Variants in PCSK1 observed in about 807,000 individuals in gnomAD.
PCSK1 encodes neuroendocrine convertase 1.
PCSK1 carries 56 observed loss-of-function variants against 90.6 expected under a neutral mutation model. That is an observed-to-expected ratio of 0.62 (90% confidence interval 0.50 to 0.77). The LOEUF (loss-of-function observed/expected upper bound fraction) is 0.77, where lower values mean the gene tolerates loss of function less well. Ranked by LOEUF, PCSK1 falls within the 30% of genes least tolerant of loss-of-function variation. PCSK1 has a pLI of 0.00. For synonymous variants in PCSK1, 348 were observed against 342.4 expected, an observed-to-expected ratio of 1.02 and a Z score of -0.18; for missense variants, 801 against 932.6, an observed-to-expected ratio of 0.86 and a Z score of 1.84.
intron 5 of PCSK1, among the ~76,000 whole-genome samples, chr5:96,419,243 GATAA>G (rs991808908): frequency 6.7e-6 from 1 of 150,298 alleles, no homozygotes. Flanking sequence ...TATAGATATA[GATAA>G]ATAATCTACC....
At chr5:96,425,013 AAAGAAAGAAAGAAAGAAAGAAAG>A (rs1296799671) in intron 3 of PCSK1, among the ~76,000 whole-genome samples, 3 of 22,894 alleles carry the variant, frequency 1.3e-4, no homozygotes, top group Non-Finnish European at 2.9e-4. Flanking sequence ...GAAAGAAAAG[AAAGAAAGAAAGAAAGAAAGAAAG>A]AAAGAAAGAA....
At chr5:96,411,823 G>C (rs1260057186) in intron 7 of PCSK1, among the ~76,000 whole-genome samples, 1 of 152,106 alleles carries the variant, frequency 6.6e-6, no homozygotes, top group Non-Finnish European at 1.5e-5. Context: ...TTTATATTTA[G>C]TTTTGAGGCA....
intron 9 of PCSK1, among the ~76,000 whole-genome samples, chr5:96,404,784 T>C (rs1760498905): frequency 6.6e-6 from 1 of 152,168 alleles, no homozygotes; most frequent in Non-Finnish European, 1.5e-5. Context: ...TGGTTATATA[T>C]CTCAACCTCT....
intron 5 of PCSK1, among the ~76,000 whole-genome samples, chr5:96,418,751 A>G (rs1761014071): frequency 6.6e-6 from 1 of 152,172 alleles, no homozygotes; most frequent in Admixed American, 6.5e-5. Context: ...TTTTTATTAT[A>G]CCTTCTGATA....
In PCSK1 at chr5:96,394,879, C is replaced by T. The variant is rs1760077171; in HGVS notation, c.1869G>A (p.Met623Ile). The change falls in exon 13 of 14, where the codon ATG becomes ATA. Residue 623 changes from methionine (M) to isoleucine (I), a missense_variant. By Grantham distance (10) the Met-to-Ile change is conservative (BLOSUM62 1). Transcript: ENST00000311106. ...VQNDRRGVEK[M>I]VDPGEEQPTQ... is the part of the protein sequence containing the mutation. ...CCACACAGACCTCCCCTGGATCCAC[C>T]ATCTTCTCCACCCCTCTTCTGTCAT... The T allele has an allele frequency of 6.2e-7, 1 of 1,613,988 alleles. No individual in the cohort carries two copies. The highest frequency in any genetic ancestry group is 8.5e-7 in the Non-Finnish European group (1 of 1,179,988).
intron 12 of PCSK1, among the ~76,000 whole-genome samples, chr5:96,396,903 A>C (rs1029884364): frequency 1.3e-5 from 2 of 152,232 alleles, no homozygotes; most frequent in African/African-American, 4.8e-5. Context: ...TCCAAACATT[A>C]AGCTACATCT....
intron 2 of PCSK1, 43 bp from the exon 3 acceptor site, chr5:96,425,973 T>A: frequency 9.6e-7 from 1 of 1,041,460 alleles, no homozygotes. Context: ...GTCAAATATC[T>A]ACCTCTGTAT....
Position 96,401,914 on chromosome 5 carries a change from T to C in PCSK1, c.1197-1728A>G, listed in dbSNP as rs1760389373. On this transcript the variant is annotated intron_variant, in intron 9 of 13. Coordinates refer to ENST00000311106, the MANE Select transcript of PCSK1 (RefSeq NM_000439.5). ...CCTAAGTGCTAACTAGCCCCAAATA[T>C]AATTTTAAAACATATTGCTCCTAGT... is the stretch of plus-strand genomic sequence containing the variant. Among the ~76,000 whole-genome samples, 3 of 152,154 alleles carry C rather than the reference T, an allele frequency of 2.0e-5. No homozygotes were observed. In the South Asian group the frequency reaches 6.2e-4, roughly 31 times the overall value.
At chr5:96,415,996 T>C (rs981866883) in intron 6 of PCSK1, 37 bp downstream of exon 6, 2 of 1,332,562 alleles carry the variant, frequency 1.5e-6, no homozygotes, top group African/African-American at 1.4e-5. Flanking sequence ...AGCTTCACAT[T>C]AAAATGCCAA....
chr5:96,428,849 G>A (rs1452300923), intron 2 of PCSK1, among the ~76,000 whole-genome samples: 3 of 152,164 alleles, frequency 2.0e-5, no homozygotes, highest in Non-Finnish European at 2.9e-5. Context: ...AAAGGTTGTT[G>A]ATTGACTGTA....
chr5:96,411,003 A>G lies in PCSK1; in HGVS notation c.883-17T>C. 1 of 1,561,508 alleles carries G rather than the reference A, an allele frequency of 6.4e-7. No individual in the cohort carries two copies. Among genetic ancestry groups the G allele is most frequent in the South Asian group, 1.1e-5 (1 of 89,990 alleles). ...CTGTCTCCCCTAAAGGAAAAGCCAG[A>G]ATGCATATTATCTGTTATCATCTAT... On this transcript the variant is annotated splice_polypyrimidine_tract_variant and intron_variant, in intron 7 of 13. Transcript: ENST00000311106.
At chr5:96,424,794 C>T (rs1169680712) in intron 3 of PCSK1, among the ~76,000 whole-genome samples, 1 of 151,890 alleles carries the variant, frequency 6.6e-6, no homozygotes, top group African/African-American at 2.4e-5. Flanking sequence ...AAAACCCCAT[C>T]TCTATTAAAA....
intron 13 of PCSK1, among the ~76,000 whole-genome samples, chr5:96,393,811 C>T (rs1760039093): frequency 6.6e-6 from 1 of 152,192 alleles, no homozygotes; most frequent in Admixed American, 6.5e-5. Context: ...TTCCTGGAGG[C>T]ACTGGCTTTC....
In PCSK1 at chr5:96,394,866, C is replaced by T. The variant is rs1760076440; in HGVS notation, c.1882G>A (p.Glu628Lys). The T allele has an allele frequency of 6.2e-7, 1 of 1,614,028 alleles. No homozygotes were observed. Among genetic ancestry groups the T allele is most frequent in the Non-Finnish European group, 8.5e-7 (1 of 1,179,916 alleles). ...RGVEKMVDPG[E>K]EQPTQENPKE... The stretch of plus-strand genomic sequence containing the variant: ...GCCAAGAACAGAGCCACACAGACCT[C>T]CCCTGGATCCACCATCTTCTCCACC... The change falls in exon 13 of 14, where the codon GAG becomes AAG. Residue 628 changes from glutamate (E) to lysine (K), a missense_variant and splice_region_variant. Coordinates refer to ENST00000311106, the MANE Select transcript of PCSK1 (RefSeq NM_000439.5).
intron 3 of PCSK1, among the ~76,000 whole-genome samples, chr5:96,425,266 C>T (rs2112444419): frequency 6.6e-6 from 1 of 152,292 alleles, no homozygotes; most frequent in East Asian, 1.9e-4. Context: ...AGGTAGACAG[C>T]AACACTTAAC....
At chr5:96,401,585 T>C (rs546847778) in intron 9 of PCSK1, among the ~76,000 whole-genome samples, 1 of 152,360 alleles carries the variant, frequency 6.6e-6, no homozygotes, top group East Asian at 1.9e-4. Flanking sequence ...TTGTTGGATC[T>C]ATTATACTAT....
intron 3 of PCSK1, among the ~76,000 whole-genome samples, chr5:96,425,169 T>C (rs1465966951): frequency 2.6e-5 from 4 of 152,196 alleles, no homozygotes; most frequent in Non-Finnish European, 5.9e-5. Context: ...AAATAATCTT[T>C]TATAAAATTC....
At chr5:96,396,710 A>T (rs1760163047) in intron 12 of PCSK1, among the ~76,000 whole-genome samples, 1 of 152,230 alleles carries the variant, frequency 6.6e-6, no homozygotes. Flanking sequence ...AAAATAAATA[A>T]TTAAGCTATA....
chr5:96,432,072 C>G (rs752663357), intron 1 of PCSK1: 133 of 1,525,886 alleles, frequency 8.7e-5, no homozygotes, highest in Non-Finnish European at 1.1e-4. Flanking sequence ...CCCGGGAAAA[C>G]GATTACGTAC....
Sources: gnomAD v4.1 joint callset for allele counts (sites outside exome capture counted in the v4.1 genomes callset) on GRCh38, gnomAD v4.1.1 for gene constraint, MANE v1.5 for transcripts, NCBI Gene and HGNC (gene_info 2026-07-23, HGNC 2026-07-21) for gene names.